CD163L1: variants seen among roughly 807,000 people sequenced by gnomAD.
CD163L1 encodes scavenger receptor cysteine-rich type 1 protein M160.
A neutral mutation model predicts 165.4 loss-of-function variants in CD163L1; 124 were observed. The observed-to-expected ratio is 0.75, with a 90% CI of 0.65 to 0.87. The LOEUF is 0.87. Ranked by LOEUF, CD163L1 falls within the 40% of genes least tolerant of loss-of-function variation. CD163L1 has a pLI of 0.00. For synonymous variants in CD163L1, 585 were observed against 662.2 expected, an observed-to-expected ratio of 0.88 and a Z score of 1.79; for missense variants, 1,525 against 1,799.9, an observed-to-expected ratio of 0.85 and a Z score of 2.76.
intron 4 of CD163L1, among the ~76,000 whole-genome samples, chr12:7,431,303 G>A (rs1207673946): frequency 6.6e-6 from 1 of 151,892 alleles, no homozygotes; most frequent in Non-Finnish European, 1.5e-5. Context: ...TGCAGTTCCA[G>A]ATACTCAGGA....
chr12:7,407,099 AG>A (rs1320636835), intron 4 of CD163L1, among the ~76,000 whole-genome samples: 1 of 152,242 alleles, frequency 6.6e-6, no homozygotes, highest in African/African-American at 2.4e-5. Flanking sequence ...AACAGAGAGT[AG>A]AAATGCCCTT....
the CD163L1 span, among the ~76,000 whole-genome samples, chr12:7,329,236 A>T: frequency 6.7e-6 from 1 of 148,828 alleles, no homozygotes; most frequent in Admixed American, 6.7e-5. Flanking sequence ...AAAGTACAGA[A>T]TACCAATCTT....
rs753361867 is a variant in CD163L1, at chr12:7,400,894, C to G, written c.1409-2310G>C. On this transcript the variant is annotated intron_variant, in intron 6 of 19. Coordinates refer to ENST00000313599, the MANE Select transcript of CD163L1 (RefSeq NM_174941.6). This position sits in a 1 kb window ranked among gnomAD's most constrained non-coding sequence, Gnocchi z 4.1. Reference sequence around the variant, plus strand: ...GGGGATTATGTATTTTATAAAGGGACTCTATAAAATACACAGAGTTCTTAC... The same window carrying G: ...GGGGATTATGTATTTTATAAAGGGAGTCTATAAAATACACAGAGTTCTTAC... 6.6e-6 allele frequency among the ~76,000 whole-genome samples: 1 copy of G among 152,166 alleles called. No homozygotes were observed. Among genetic ancestry groups the G allele is most frequent in the Non-Finnish European group, 1.5e-5 (1 of 68,020 alleles).
At chr12:7,407,500 A>C (rs1948048674) in intron 4 of CD163L1, among the ~76,000 whole-genome samples, 3 of 151,910 alleles carry the variant, frequency 2.0e-5, no homozygotes, top group Non-Finnish European at 4.4e-5. Context: ...GATTTAATTC[A>C]AAGTCTCAGC....
At chr12:7,408,093 A>ATC (rs146292236) in intron 4 of CD163L1, among the ~76,000 whole-genome samples, 13 of 150,210 alleles carry the variant, frequency 8.7e-5, no homozygotes, top group African/African-American at 2.7e-4. Context: ...ATATATATAT[A>ATC]TCATATATAT....
chr12:7,346,338 TTTA>T (rs1183987532), downstream of CD163L1, among the ~76,000 whole-genome samples: 1 of 152,154 alleles, frequency 6.6e-6, no homozygotes, highest in Non-Finnish European at 1.5e-5. Flanking sequence ...ATTGATTCTT[TTTA>T]TTACTCTGAT....
At chr12:7,438,239 AATG>A (rs1187603451) in intron 2 of CD163L1, among the ~76,000 whole-genome samples, 4 of 152,184 alleles carry the variant, frequency 2.6e-5, no homozygotes, top group East Asian at 3.8e-4. Context: ...GGATGAAAAA[AATG>A]ATGTTTTTTA....
intron 18 of CD163L1, among the ~76,000 whole-genome samples, chr12:7,364,262 C>T (rs1268796820): frequency 1.3e-5 from 2 of 152,054 alleles, no homozygotes; most frequent in Non-Finnish European, 2.9e-5. Context: ...AAAGCCTCAA[C>T]ATACTGGGTA....
At chr12:7,339,659 A>G in the CD163L1 span, among the ~76,000 whole-genome samples, 1 of 152,092 alleles carries the variant, frequency 6.6e-6, no homozygotes, top group Non-Finnish European at 1.5e-5. Context: ...GACTAAGACC[A>G]CTGAGACTTC....
In CD163L1 at chr12:7,357,668, A is replaced by T. The variant is rs141066784; in HGVS notation, c.4280-182T>A. ...TAAAATAATTATCATATTTAAAAGGATAAACCATTAAGTGTTACCAAAACA... is the reference window on the plus strand; with the variant it reads ...TAAAATAATTATCATATTTAAAAGGTTAAACCATTAAGTGTTACCAAAACA... On this transcript the variant is annotated intron_variant, in intron 18 of 19. Coordinates refer to ENST00000313599, the MANE Select transcript of CD163L1 (RefSeq NM_174941.6). 8.4e-3 allele frequency: 3,705 copies of T among 440,570 alleles called. 109 individuals carry two copies. The highest frequency in any genetic ancestry group is 0.065 in the African/African-American group (3,307 of 51,226). The allele number at this position is 440,570 out of a possible 1,614,324, so 27.3% of individuals were successfully genotyped here.
intron 8 of CD163L1, among the ~76,000 whole-genome samples, chr12:7,388,741 T>C: frequency 8.2e-6 from 1 of 122,484 alleles, no homozygotes; most frequent in African/African-American, 3.3e-5. Flanking sequence ...GAGATCCAGT[T>C]TCAAAAAAAA....
the CD163L1 span, among the ~76,000 whole-genome samples, chr12:7,329,422 A>C: frequency 6.6e-6 from 1 of 151,176 alleles, no homozygotes; most frequent in Non-Finnish European, 1.5e-5. Flanking sequence ...TATTTTTCTA[A>C]AAATATCAGG....
chr12:7,322,586 C>A, the CD163L1 span: 2 of 1,561,852 alleles, frequency 1.3e-6, no homozygotes, highest in Admixed American at 1.9e-5. Context: ...GGGGGCCTTT[C>A]TGCCCCAGGT....
the CD163L1 span, among the ~76,000 whole-genome samples, chr12:7,335,666 A>G: frequency 1.3e-5 from 2 of 152,220 alleles, no homozygotes; most frequent in Non-Finnish European, 2.9e-5. Flanking sequence ...ATGGGATCTA[A>G]TTAAACTAAA....
At chr12:7,415,008 T>C (rs984557973) in intron 4 of CD163L1, among the ~76,000 whole-genome samples, 1 of 152,108 alleles carries the variant, frequency 6.6e-6, no homozygotes, top group African/African-American at 2.4e-5. Context: ...ATGAAAAATA[T>C]GCAAGTATAA....
At chr12:7,393,632 G>A (rs1033168255) in intron 8 of CD163L1, among the ~76,000 whole-genome samples, 17 of 152,212 alleles carry the variant, frequency 1.1e-4, no homozygotes, top group African/African-American at 3.6e-4. Context: ...AAGTCAAATC[G>A]TCCCTGTTTG....
Position 7,375,928 on chromosome 12 carries a change from A to C in CD163L1, c.2458T>G (p.Cys820Gly). Residue 820 changes from cysteine to glycine, a missense_variant, in exon 10 of 20, where the codon TGT becomes GGT. Physicochemically the swap from Cys to Gly is radical, Grantham distance 159 (BLOSUM62 -3). Coordinates refer to ENST00000313599, the MANE Select transcript of CD163L1 (RefSeq NM_174941.6). ...GCATGAAGAGAGAAATCAGAATCAC[A>C]GACAGAGCGCCATGTGTCTGCATGT... is the stretch of plus-strand genomic sequence containing the variant. ...VKHADTWRSV[C>G]DSDFSLHAAN... The C allele has an allele frequency of 6.2e-7, 1 of 1,614,252 alleles. No individual in the cohort carries two copies. Among genetic ancestry groups the C allele is most frequent in the Non-Finnish European group, 8.5e-7 (1 of 1,180,042 alleles).
At chr12:7,408,203 T>G (rs1227646576) in intron 4 of CD163L1, among the ~76,000 whole-genome samples, 1 of 151,962 alleles carries the variant, frequency 6.6e-6, no homozygotes, top group Admixed American at 6.6e-5. Flanking sequence ...TGAATGAGAT[T>G]TTTTTTACAG....
chr12:7,380,355 G>C (rs941564196), intron 8 of CD163L1, among the ~76,000 whole-genome samples: 1 of 145,104 alleles, frequency 6.9e-6, no homozygotes, highest in African/African-American at 2.7e-5. Context: ...ACATGTATGT[G>C]TGTATACGCG....
Sources: gnomAD v4.1 joint callset for allele counts (sites outside exome capture counted in the v4.1 genomes callset) on GRCh38, gnomAD v4.1.1 for gene constraint, Gnocchi (gnomAD v3.1) non-coding constraint, MANE v1.5 for transcripts, NCBI Gene and HGNC (gene_info 2026-07-23, HGNC 2026-07-21) for gene names.